Variants in BNC2 observed in about 807,000 individuals in gnomAD.
BNC2 encodes zinc finger protein basonuclin-2.
A neutral mutation model predicts 76.3 loss-of-function variants in BNC2; 20 were observed. That is an observed-to-expected ratio of 0.26 (90% CI 0.18 to 0.38). BNC2 has a LOEUF of 0.38. Among genes scored for constraint, BNC2 ranks in the 10% least tolerant of loss-of-function variants. BNC2 has a pLI of 1.00. For missense variants in BNC2, 1,382 were observed against 1,399.8 expected (o/e 0.99, Z 0.20); for synonymous variants, 582 against 514.8 (o/e 1.13, Z -1.77).
rs987557510 is a variant in BNC2 at position 16,410,422 on chromosome 9, T to G, written c.*8567A>C. The G allele has an allele frequency of 3.3e-5, 5 of 152,690 alleles. No homozygotes were observed. Among genetic ancestry groups the G allele is most frequent in the Admixed American group, 3.3e-4 (5 of 15,274 alleles). 9.5% of individuals were successfully genotyped at this position (152,690 alleles called of 1,614,324 possible). A position where few individuals can be genotyped will look rare whatever the true frequency, so the allele number is the denominator to read the frequency against. The stretch of plus-strand genomic sequence containing the variant: ...CCCATTTCTCGACCGTCCTCACCCC[T>G]CTGACCTTCATGTACCCAGGTTTAG... On this transcript the variant is annotated 3_prime_UTR_variant, in exon 7 of 7. Transcript: ENST00000380672.
chr9:16,465,462 A>C (rs113791555), intron 5 of BNC2, among the ~76,000 whole-genome samples: 2 of 135,228 alleles, frequency 1.5e-5, no homozygotes, highest in African/African-American at 5.5e-5. Context: ...AGGGTTAATA[A>C]CCGGTAGGGC....
chr9:16,608,331 TA>T (rs1214194207), intron 3 of BNC2, among the ~76,000 whole-genome samples: 1 of 152,140 alleles, frequency 6.6e-6, no homozygotes, highest in Non-Finnish European at 1.5e-5. Context: ...GAGTAAATGG[TA>T]AATAAAAACG....
chr9:16,561,751 C>T (rs1436436842), intron 4 of BNC2, among the ~76,000 whole-genome samples: 1 of 152,096 alleles, frequency 6.6e-6, no homozygotes, highest in Non-Finnish European at 1.5e-5. Flanking sequence ...ACCTGTAAAT[C>T]CAGCACTTTT....
intron 3 of BNC2, among the ~76,000 whole-genome samples, chr9:16,673,430 TAA>T (rs370952322): frequency 0.16 from 23,199 of 146,026 alleles, 3,116 homozygotes; most frequent in African/African-American, 0.37. Context: ...TTCTGAGATT[TAA>T]AAAAAAAAAA....
chr9:16,599,886 T>G (rs1820198273), intron 3 of BNC2, among the ~76,000 whole-genome samples: 1 of 152,248 alleles, frequency 6.6e-6, no homozygotes, highest in Admixed American at 6.5e-5. Context: ...GTGCTTCCAC[T>G]TCTTCCATAC....
chr9:16,613,157 T>C (rs1013335075), intron 3 of BNC2, among the ~76,000 whole-genome samples: 1 of 152,174 alleles, frequency 6.6e-6, no homozygotes, highest in African/African-American at 2.4e-5. Context: ...TATTTTAAAT[T>C]TGTGAACCAT....
intron 3 of BNC2, among the ~76,000 whole-genome samples, chr9:16,616,247 G>T (rs938833769): frequency 6.6e-6 from 1 of 151,750 alleles, no homozygotes; most frequent in African/African-American, 2.4e-5. Flanking sequence ...AATAAATTAG[G>T]TGGGCCTGGT....
At position 16,821,096 on chromosome 9, in the gene BNC2, G is replaced by A. The variant is rs140214828; in HGVS notation, c.3+49550C>T. ...AAAAATACAAAAATTAGCCAGGTGT[G>A]GTGGCACGCACCTGTAATCCCAGCT... is the stretch of plus-strand genomic sequence containing the variant. On this transcript the variant is annotated intron_variant, in intron 1 of 6. Transcript: ENST00000380672. Among the ~76,000 whole-genome samples the A allele has an allele frequency of 3.1e-3, 472 of 152,066 alleles. 9 individuals carry two copies. The East Asian group carries it at 0.036, about 12-fold the overall frequency.
chr9:16,702,151 G>T (rs1823534175), intron 3 of BNC2, among the ~76,000 whole-genome samples: 2 of 152,148 alleles, frequency 1.3e-5, no homozygotes, highest in Admixed American at 1.3e-4. Context: ...ATACATGTAT[G>T]TTGACTGCTG....
At chr9:16,623,294 T>C (rs999916102) in intron 3 of BNC2, among the ~76,000 whole-genome samples, 2 of 152,158 alleles carry the variant, frequency 1.3e-5, no homozygotes, top group Non-Finnish European at 2.9e-5. Flanking sequence ...AGAGAGGGCA[T>C]ATTGTACCAG....
chr9:16,679,318 A>G (rs1443682289), intron 3 of BNC2, among the ~76,000 whole-genome samples: 1 of 152,104 alleles, frequency 6.6e-6, no homozygotes, highest in Non-Finnish European at 1.5e-5. Context: ...ATAATATACC[A>G]CTTTTGATAC....
chr9:16,484,197 C>T (rs1446364601), intron 5 of BNC2, among the ~76,000 whole-genome samples: 3 of 152,074 alleles, frequency 2.0e-5, no homozygotes, highest in Admixed American at 6.6e-5. Context: ...CAGTCTAGGC[C>T]GTTTTACACC....
intron 5 of BNC2, among the ~76,000 whole-genome samples, chr9:16,481,202 C>G (rs368848758): frequency 6.6e-6 from 1 of 152,026 alleles, no homozygotes; most frequent in South Asian, 2.1e-4. Context: ...GGATTGTAAA[C>G]GCACCAATCA....
intron 1 of BNC2, among the ~76,000 whole-genome samples, chr9:16,855,828 G>A (rs745350952): frequency 2.0e-4 from 31 of 151,946 alleles, no homozygotes; most frequent in Admixed American, 1.1e-3. Flanking sequence ...GATTACAGGC[G>A]TGAGCCACCA....
intron 5 of BNC2, among the ~76,000 whole-genome samples, chr9:16,493,734 T>C (rs2131662534): frequency 6.6e-6 from 1 of 152,314 alleles, no homozygotes; most frequent in South Asian, 2.1e-4. Flanking sequence ...GGTACTCTAC[T>C]TGCACAGCAG....
intron 5 of BNC2, among the ~76,000 whole-genome samples, chr9:16,473,587 T>C (rs890162696): frequency 2.0e-5 from 3 of 152,168 alleles, no homozygotes; most frequent in Non-Finnish European, 2.9e-5. Context: ...GAAGATACGA[T>C]GATGGGACCG....
intron 1 of BNC2, among the ~76,000 whole-genome samples, chr9:16,795,734 G>A (rs560807978): frequency 6.6e-6 from 1 of 152,246 alleles, no homozygotes; most frequent in South Asian, 2.1e-4. Context: ...AAGGGTGTGA[G>A]ATTTATAGGA....
intron 1 of BNC2, among the ~76,000 whole-genome samples, chr9:16,780,238 A>AC (rs1826101107): frequency 3.0e-5 from 3 of 100,892 alleles, no homozygotes; most frequent in African/African-American, 1.4e-4. Flanking sequence ...TTCGTTTCAA[A>AC]AAAAAAAAAA....
intron 5 of BNC2, among the ~76,000 whole-genome samples, chr9:16,528,386 C>G (rs1043971719): frequency 6.6e-6 from 1 of 152,054 alleles, no homozygotes; most frequent in Non-Finnish European, 1.5e-5. Context: ...GATATTTATT[C>G]TCATAGATTT....
Sources: allele counts gnomAD v4.1 joint callset (sites outside exome capture counted in the v4.1 genomes callset), GRCh38; gene constraint gnomAD v4.1.1; transcripts MANE v1.5; gene names NCBI Gene and HGNC (gene_info 2026-07-23, HGNC 2026-07-21).